INTS1: variants seen among roughly 807,000 people sequenced by gnomAD.
INTS1 encodes integrator complex subunit 1.
INTS1 carries 137 observed loss-of-function variants against 241.6 expected under a neutral mutation model. The observed-to-expected ratio is 0.57, with a 90% CI of 0.49 to 0.65. The LOEUF is 0.65. Ranked by LOEUF, INTS1 falls within the 30% of genes least tolerant of loss-of-function variation. The pLI, the probability that INTS1 is intolerant of heterozygous loss-of-function variation, is 0.00. For synonymous variants in INTS1, 1,692 were observed against 1,337.8 expected, an observed-to-expected ratio of 1.26 and a Z score of -5.78; for missense variants, 3,073 against 3,032.2, an observed-to-expected ratio of 1.01 and a Z score of -0.32.
chr7:1,472,562 C>G (rs1424935748), intron 43 of INTS1, among the ~76,000 whole-genome samples, 176 bp from the exon 44 acceptor site: 2 of 152,206 alleles, frequency 1.3e-5, no homozygotes, highest in Non-Finnish European at 2.9e-5. Flanking sequence ...GCCTTTGGAT[C>G]CGGCGCATGC....
chr7:1,474,129 G>A (rs1343263312), intron 41 of INTS1, 39 bp downstream of exon 41: 2 of 1,531,288 alleles, frequency 1.3e-6, no homozygotes, highest in Non-Finnish European at 1.8e-6. Flanking sequence ...AGCAGAGGGA[G>A]TGGAAGGGAG....
chr7:1,472,036 C>T (rs1369684259), intron 44 of INTS1, among the ~76,000 whole-genome samples: 2 of 152,224 alleles, frequency 1.3e-5, no homozygotes, highest in Non-Finnish European at 2.9e-5. Context: ...TTAGGGGGCT[C>T]CCCTGCTTTT....
chr7:1,502,927 T>G lies in INTS1; in HGVS notation c.323A>C (p.Lys108Thr). ...AEKRAISPSIKEPSVVPIEVL... is the reference protein window; with the variant it reads ...AEKRAISPSITEPSVVPIEVL... The stretch of plus-strand genomic sequence containing the variant: ...TTCAATTGGCACCACAGATGGCTCT[T>G]TAATCGACGGAGAAATGGCTCGTTT... The change falls in exon 3 of 48, where the codon AAA becomes ACA. Residue 108 changes from lysine (K) to threonine (T), a missense_variant. Physicochemically the swap from Lys to Thr is moderately conservative, Grantham distance 78. Transcript: ENST00000404767. 1 of 1,613,838 alleles carries G rather than the reference T, an allele frequency of 6.2e-7. No homozygotes were observed. The highest frequency in any genetic ancestry group is 8.5e-7 in the Non-Finnish European group (1 of 1,179,876).
At chr7:1,485,535 G>T in intron 22 of INTS1, 66 bp from the exon 23 acceptor site, 1 of 1,514,674 alleles carries the variant, frequency 6.6e-7, no homozygotes, top group East Asian at 2.4e-5. Context: ...CCCTGGCCCC[G>T]GGAGCACACG....
At chr7:1,473,747 G>A (rs897108102) in intron 41 of INTS1, 54 bp from the exon 42 acceptor site, 2 of 1,606,418 alleles carry the variant, frequency 1.2e-6, no homozygotes, top group Non-Finnish European at 8.5e-7. Flanking sequence ...GGCCAAAACA[G>A]AGCCTGTGCT....
In INTS1 at chr7:1,470,382, C is replaced by T. The variant is rs1032761384; in HGVS notation, c.*195G>A. 42 of 518,432 alleles carry T rather than the reference C, an allele frequency of 8.1e-5. No homozygotes were observed. The highest frequency in any genetic ancestry group is 1.3e-4 in the Non-Finnish European group (38 of 295,704). 32.1% of individuals were successfully genotyped at this position (518,432 alleles called of 1,614,324 possible). On this transcript the variant is annotated 3_prime_UTR_variant, in exon 48 of 48. Coordinates refer to ENST00000404767, the MANE Select transcript of INTS1 (RefSeq NM_001080453.3). Reference sequence around the variant, plus strand: ...AGAAGGTGAATGAGGGCTTGCTGGACGGCCCCTGATGCCAGCGGCCGGCCC... The same window carrying T: ...AGAAGGTGAATGAGGGCTTGCTGGATGGCCCCTGATGCCAGCGGCCGGCCC...
chr7:1,476,108 G>C, intron 38 of INTS1, 37 bp from the exon 39 acceptor site: 1 of 1,529,918 alleles, frequency 6.5e-7, no homozygotes, highest in Middle Eastern at 2.1e-4. Context: ...AGGCGGACGG[G>C]GCCCCAGTGA....
chr7:1,493,184 C>T lies in INTS1; in HGVS notation c.2069-78G>A. ...ACAGGCAGCGAGGGAACCGGCCCTG[C>T]TCGGGCCGCGTCGGGGTGGGGTGGG... is the stretch of plus-strand genomic sequence containing the variant. On this transcript the variant is annotated intron_variant, in intron 15 of 47. Transcript: ENST00000404767. The surrounding 1 kb of genome is among the most constrained non-coding windows in gnomAD (Gnocchi z 5.3). 12 of 1,159,862 alleles carry T rather than the reference C, an allele frequency of 1.0e-5. No homozygotes were observed. Among genetic ancestry groups the T allele is most frequent in the Non-Finnish European group, 1.4e-5 (11 of 792,102 alleles). The allele number at this position is 1,159,862 out of a possible 1,614,324, so 71.8% of individuals were successfully genotyped here.
At chr7:1,473,482 C>T in intron 42 of INTS1, 84 bp downstream of exon 42, 3 of 1,482,806 alleles carry the variant, frequency 2.0e-6, no homozygotes, top group Non-Finnish European at 2.7e-6. Flanking sequence ...TCTGACACGA[C>T]ACGGCCTTCC....
chr7:1,482,968 C>T (rs1482772089), intron 26 of INTS1: 3 of 496,756 alleles, frequency 6.0e-6, no homozygotes, highest in African/African-American at 1.9e-5. Flanking sequence ...TGTGCGTGTC[C>T]CCATCCAGCC....
At chr7:1,477,499 A>C in intron 35 of INTS1, 51 bp downstream of exon 35, 1 of 1,459,210 alleles carries the variant, frequency 6.9e-7, no homozygotes, top group Non-Finnish European at 9.0e-7. Flanking sequence ...CAGGTCAGGA[A>C]GAGCCTTTAC....
At position 1,493,681 on chromosome 7, in the gene INTS1, G is replaced by GC; in HGVS notation, c.2068+72dup. ...TTTGTGGAGCGCCCCAGAGGTGCGT[G>GC]CCAGAGCCGGGGTTTCTGCAGGGAC... is the stretch of plus-strand genomic sequence containing the variant. On this transcript the variant is annotated intron_variant, in intron 15 of 47. Coordinates refer to ENST00000404767, the MANE Select transcript of INTS1 (RefSeq NM_001080453.3). This position sits in a 1 kb window ranked among gnomAD's most constrained non-coding sequence, Gnocchi z 5.3. 6.7e-7 allele frequency: 1 copy of GC among 1,488,046 alleles called. No individual in the cohort carries two copies. Among genetic ancestry groups the GC allele is most frequent in the Non-Finnish European group, 9.0e-7 (1 of 1,112,786 alleles). 92.2% of individuals were successfully genotyped at this position (1,488,046 alleles called of 1,614,324 possible).
rs746622617 is a variant in INTS1, at chr7:1,485,401, C to G, written c.3045G>C (p.Glu1015Asp). 1.3e-5 allele frequency: 21 copies of G among 1,612,768 alleles called. No individual in the cohort carries two copies. The East Asian group carries it at 4.2e-4, about 33-fold the overall frequency. Residue 1015 changes from glutamate to aspartate, a missense_variant, in exon 23 of 48, where the codon GAG becomes GAC. Glu to Asp is a conservative substitution (Grantham distance 45). Transcript: ENST00000404767. The stretch of plus-strand genomic sequence containing the variant: ...GCAGCACATCTGTGTCCCCCACATC[C>G]TCCTCCATGGGGGGCTCCTTCTCCT... ...DGEEKEPPME[E>D]DVGDTDVLQG...
chr7:1,476,632 A>G lies in INTS1; in HGVS notation c.5089T>C (p.Phe1697Leu), dbSNP rs1781737239. ...GGAACATGGATGCAGGCCCAGAGGA[A>G]GTCCAGAGAGGCAGAGGGGTCGAAC... Reference protein sequence around the residue: ...QRFDPSASLDFLWACIHVPRI... With the variant: ...QRFDPSASLDLLWACIHVPRI... The change falls in exon 37 of 48, where the codon TTC (phenylalanine) becomes CTC (leucine). Residue 1697 changes from phenylalanine (F) to leucine (L), a missense_variant. Transcript: ENST00000404767. 4 of 1,612,504 alleles carry G rather than the reference A, an allele frequency of 2.5e-6. No individual in the cohort carries two copies. The highest frequency in any genetic ancestry group is 2.7e-5 in the African/African-American group (2 of 74,914).
rs559301137 is a variant in INTS1, at chr7:1,497,255, C to T, written c.1485G>A (p.Ser495=). Reference sequence around the variant, plus strand: ...TGATGATCTCCCGCAGCAGGGCCCGCGAGGCCCGCAGGTAGTCGTCCTTGT... The same window carrying T: ...TGATGATCTCCCGCAGCAGGGCCCGTGAGGCCCGCAGGTAGTCGTCCTTGT... The part of the protein sequence containing the change: ...LTNKDDYLRA[S]RALLREIIKQ... The change falls in exon 11 of 48, where the codon TCG becomes TCA. Residue 495 remains serine, a synonymous_variant. Transcript: ENST00000404767. This position sits in a 1 kb window ranked among gnomAD's most constrained non-coding sequence, Gnocchi z 5.3. 71 of 1,613,360 alleles carry T rather than the reference C, an allele frequency of 4.4e-5. No individual in the cohort carries two copies. In the South Asian group the frequency reaches 7.2e-4, roughly 16 times the overall value.
Position 1,497,348 on chromosome 7 carries a change from C to A in INTS1, c.1426-34G>T. ...GAGAGAGGCCGCGTGGGAGGCTGCC[C>A]GACAGTGCTGTCCCTGTCACAGGCC... is the stretch of plus-strand genomic sequence containing the variant. On this transcript the variant is annotated intron_variant, in intron 10 of 47. Transcript: ENST00000404767. This position sits in a 1 kb window ranked among gnomAD's most constrained non-coding sequence, Gnocchi z 5.3. 1 of 1,593,908 alleles carries A rather than the reference C, an allele frequency of 6.3e-7. No homozygotes were observed.
At chr7:1,502,553 G>A (rs776448821) in intron 3 of INTS1, among the ~76,000 whole-genome samples, 1 of 152,136 alleles carries the variant, frequency 6.6e-6, no homozygotes, top group East Asian at 1.9e-4. Context: ...ACCAGGATGG[G>A]CAACCTTGAG....
In INTS1 at chr7:1,487,441, G is replaced by C; in HGVS notation, c.2525C>G (p.Pro842Arg). 3 of 1,611,404 alleles carry C rather than the reference G, an allele frequency of 1.9e-6. No individual in the cohort carries two copies. The highest frequency in any genetic ancestry group is 2.5e-6 in the Non-Finnish European group (3 of 1,179,462). Reference sequence around the variant, plus strand: ...CAGGATGTGAGGGGGAGGCCTCCGGGGGGGCCCCCTGAGGGCCACAGGGGA... The same window carrying C: ...CAGGATGTGAGGGGGAGGCCTCCGGCGGGGCCCCCTGAGGGCCACAGGGGA... ...QLTSLDPQGP[P>R]RRPPPHILDQ... The change falls in exon 20 of 48, where the codon CCC becomes CGC. Residue 842 changes from proline (P) to arginine (R), a missense_variant. Pro to Arg is a moderately radical substitution (Grantham distance 103). Transcript: ENST00000404767.
In INTS1 at chr7:1,484,406, G is replaced by C. The variant is rs546977954; in HGVS notation, c.3262-236C>G. 7.9e-5 allele frequency among the ~76,000 whole-genome samples: 12 copies of C among 152,306 alleles called. 1 individual carries two copies. The highest frequency in any genetic ancestry group is 2.9e-4 in the African/African-American group (12 of 41,556). On this transcript the variant is annotated intron_variant, in intron 24 of 47. Coordinates refer to ENST00000404767, the MANE Select transcript of INTS1 (RefSeq NM_001080453.3). Reference sequence around the variant, plus strand: ...GGGACAATGACCAGGCCCTGAAAGCGGACGCTGCTGCCCTCTGCCCGGCAG... The same window carrying C: ...GGGACAATGACCAGGCCCTGAAAGCCGACGCTGCTGCCCTCTGCCCGGCAG...
Sources: allele counts gnomAD v4.1 joint callset (sites outside exome capture counted in the v4.1 genomes callset), GRCh38; gene constraint gnomAD v4.1.1; non-coding constraint Gnocchi (gnomAD v3.1); transcripts MANE v1.5; gene names NCBI Gene and HGNC (gene_info 2026-07-23, HGNC 2026-07-21).